THAP5: variants seen among roughly 807,000 people sequenced by gnomAD.
THAP5 encodes THAP domain containing 5.
A neutral mutation model predicts 34.0 loss-of-function variants in THAP5; 26 were observed. That is an observed-to-expected ratio of 0.77 (90% CI 0.56 to 1.06). THAP5 has a LOEUF of 1.06. THAP5 is among the 50% of genes least tolerant of loss of function. The pLI is 0.00. For synonymous variants in THAP5, 125 were observed against 153.0 expected, an observed-to-expected ratio of 0.82 and a Z score of 1.35; for missense variants, 394 against 452.8, an observed-to-expected ratio of 0.87 and a Z score of 1.18.
intron 1 of THAP5, chr7:108,569,142 C>A: frequency 3.6e-6 from 4 of 1,106,064 alleles, no homozygotes; most frequent in Non-Finnish European, 4.4e-6. Flanking sequence ...CTTTCCACTT[C>A]GCAGGTTTCA....
the THAP5 span, among the ~76,000 whole-genome samples, chr7:108,547,550 C>G: frequency 2.6e-5 from 4 of 152,196 alleles, no homozygotes; most frequent in African/African-American, 2.4e-5. Flanking sequence ...AGAATACTTA[C>G]TTAATCCCTA....
rs574256315 is a variant in THAP5 at position 108,569,675 on chromosome 7, G to A, written c.-106C>T. 2.8e-6 allele frequency: 4 copies of A among 1,421,254 alleles called. No homozygotes were observed. Among genetic ancestry groups the A allele is most frequent in the Admixed American group, 2.1e-5 (1 of 46,760 alleles). 88.0% of individuals were successfully genotyped at this position (1,421,254 alleles called of 1,614,324 possible). A position where few individuals can be genotyped will look rare whatever the true frequency, so the allele number is the denominator to read the frequency against. ...AGGCCTCTCGAGCCCCTGCGCCTGC[G>A]CTAGCATTCTGCCGGGAAAGCCGCC... On this transcript the variant is annotated 5_prime_UTR_variant, in exon 1 of 3. Coordinates refer to ENST00000415914, the MANE Select transcript of THAP5 (RefSeq NM_001130475.3).
chr7:108,550,416 T>C (rs1259232381), downstream of THAP5, among the ~76,000 whole-genome samples: 1 of 152,202 alleles, frequency 6.6e-6, no homozygotes, highest in Non-Finnish European at 1.5e-5. Context: ...GAAATACATG[T>C]TCAGGTCCAG....
intron 1 of THAP5, among the ~76,000 whole-genome samples, chr7:108,555,789 A>G (rs1864381822): frequency 7.0e-6 from 1 of 142,224 alleles, no homozygotes; most frequent in Non-Finnish European, 1.5e-5. Context: ...TGCAACCTCC[A>G]CCTCCCAGGT....
chr7:108,565,321 T>C, intron 2 of THAP5: 2 of 369,512 alleles, frequency 5.4e-6, no homozygotes, highest in Non-Finnish European at 4.7e-6. Context: ...AAGACTAGTA[T>C]ATTGGGAGGC....
chr7:108,544,464 G>C, the THAP5 span, among the ~76,000 whole-genome samples: 1 of 151,748 alleles, frequency 6.6e-6, no homozygotes, highest in Non-Finnish European at 1.5e-5. Context: ...CTGGGAGGCA[G>C]AGGTTGCAGA....
rs1790447576 is a variant in THAP5 at position 108,564,780 on chromosome 7, A to C, written c.599T>G (p.Leu200Arg). 6.2e-7 allele frequency: 1 copy of C among 1,613,252 alleles called. No homozygotes were observed. The highest frequency in any genetic ancestry group is 8.5e-7 in the Non-Finnish European group (1 of 1,179,442). The change falls in exon 3 of 3, where the codon CTA becomes CGA. Residue 200 changes from leucine (L) to arginine (R), a missense_variant. Transcript: ENST00000415914. ...RGGFHTCFEN[L>R]NSTTITLTTS... is the part of the protein sequence containing the mutation. ...TGTCAAAGTAATAGTTGTAGAATTTAGATTCTCAAAACATGTGTGAAAACC... is the reference window on the plus strand; with the variant it reads ...TGTCAAAGTAATAGTTGTAGAATTTCGATTCTCAAAACATGTGTGAAAACC...
exon 2 of THAP5, chr7:108,554,649 T>C (rs1014954211): frequency 6.6e-6 from 1 of 152,228 alleles, no homozygotes. Context: ...ATATTATATA[T>C]AGATCTTCAA....
At chr7:108,552,837 A>G (rs1363291932), downstream of THAP5, among the ~76,000 whole-genome samples, 2 of 152,156 alleles carry the variant, frequency 1.3e-5, no homozygotes, top group Admixed American at 1.3e-4. Flanking sequence ...TTGTTATAGT[A>G]GGATATGAGG....
chr7:108,566,025 G>T lies in THAP5; in HGVS notation c.81-3C>A. The T allele has an allele frequency of 2.0e-6, 3 of 1,485,422 alleles. No individual in the cohort carries two copies. Among genetic ancestry groups the T allele is most frequent in the Non-Finnish European group, 1.8e-6 (2 of 1,121,070 alleles). The allele number at this position is 1,485,422 out of a possible 1,614,324, so 92.0% of individuals were successfully genotyped here. On this transcript the variant is annotated splice_polypyrimidine_tract_variant and splice_region_variant and intron_variant, in intron 1 of 2. Coordinates refer to ENST00000415914, the MANE Select transcript of THAP5 (RefSeq NM_001130475.3). ...TTTCTTTGTCATGTAGAGGAAATCT[G>T]GAATTTAAAAAAAAAAGAAGAAAAA...
rs1392954527 is a variant in THAP5, at chr7:108,569,525, T to C, written c.45A>G (p.Gly15=). 3.2e-6 allele frequency: 5 copies of C among 1,551,778 alleles called. No homozygotes were observed. The East Asian group carries it at 9.8e-5, about 30-fold the overall frequency. ...TCAGCTTCCGGTCTTTATTGTTTCG[T>C]CCCCGGCGGTTCTTACAACAAATCG... The part of the protein sequence containing the change: ...CAAICCKNRR[G]RNNKDRKLSF... Residue 15 remains glycine (G), a synonymous_variant, in exon 1 of 3, where the codon GGA becomes GGG. Coordinates refer to ENST00000415914, the MANE Select transcript of THAP5 (RefSeq NM_001130475.3).
At chr7:108,543,926 C>T in the THAP5 span, among the ~76,000 whole-genome samples, 1 of 151,976 alleles carries the variant, frequency 6.6e-6, no homozygotes, top group African/African-American at 2.4e-5. Context: ...ACCTCATTTT[C>T]CTATATATAA....
chr7:108,554,072 C>T (rs1864370566), downstream of THAP5, among the ~76,000 whole-genome samples: 1 of 152,112 alleles, frequency 6.6e-6, no homozygotes, highest in Admixed American at 6.5e-5. Context: ...CCTAACTTTC[C>T]CTCTCTTTGC....
At chr7:108,567,506 G>T (rs997038585) in intron 1 of THAP5, among the ~76,000 whole-genome samples, 2 of 151,578 alleles carry the variant, frequency 1.3e-5, no homozygotes, top group African/African-American at 4.9e-5. Context: ...TATCCTTATT[G>T]TTTACTGGAT....
At chr7:108,566,453 T>G (rs1034959243) in intron 1 of THAP5, among the ~76,000 whole-genome samples, 8 of 152,228 alleles carry the variant, frequency 5.3e-5, no homozygotes, top group African/African-American at 1.9e-4. Context: ...AAATGGCTTG[T>G]TGTCTATAAT....
Position 108,569,642 on chromosome 7 carries a change from A to C in THAP5, c.-73T>G. Reference sequence around the variant, plus strand: ...CGGCCCTCCTCACTGAGGATGCGCCACAGGTCCAGGCCTCTCGAGCCCCTG... The same window carrying C: ...CGGCCCTCCTCACTGAGGATGCGCCCCAGGTCCAGGCCTCTCGAGCCCCTG... On this transcript the variant is annotated 5_prime_UTR_variant, in exon 1 of 3. Transcript: ENST00000415914. The C allele has an allele frequency of 6.5e-7, 1 of 1,532,298 alleles. No individual in the cohort carries two copies. Among genetic ancestry groups the C allele is most frequent in the Non-Finnish European group, 8.8e-7 (1 of 1,136,886 alleles). The allele number at this position is 1,532,298 out of a possible 1,614,324, so 94.9% of individuals were successfully genotyped here. A position where few individuals can be genotyped will look rare whatever the true frequency, so the allele number is the denominator to read the frequency against.
At chr7:108,566,710 T>C (rs2154518119) in intron 1 of THAP5, among the ~76,000 whole-genome samples, 1 of 152,170 alleles carries the variant, frequency 6.6e-6, no homozygotes, top group Admixed American at 6.5e-5. Context: ...AAAGGGACAG[T>C]CTCAGATATT....
At chr7:108,544,297 C>T in the THAP5 span, among the ~76,000 whole-genome samples, 13 of 152,036 alleles carry the variant, frequency 8.6e-5, no homozygotes, top group Non-Finnish European at 1.3e-4. Flanking sequence ...GAGGCCGAGG[C>T]GGGTGGATCA....
In THAP5 at chr7:108,566,032, A is replaced by T. The variant is rs544028132; in HGVS notation, c.81-10T>A. 34 of 1,063,518 alleles carry T rather than the reference A, an allele frequency of 3.2e-5. No individual in the cohort carries two copies. Among genetic ancestry groups the T allele is most frequent in the Non-Finnish European group, 4.0e-5 (32 of 805,222 alleles). The allele number at this position is 1,063,518 out of a possible 1,614,324, so 65.9% of individuals were successfully genotyped here. Reference sequence around the variant, plus strand: ...GTCATGTAGAGGAAATCTGGAATTTAAAAAAAAAAGAAGAAAAAAGGAAAA... The same window carrying T: ...GTCATGTAGAGGAAATCTGGAATTTTAAAAAAAAAGAAGAAAAAAGGAAAA... On this transcript the variant is annotated splice_polypyrimidine_tract_variant and intron_variant, in intron 1 of 2. Transcript: ENST00000415914.
Sources: gnomAD v4.1 joint callset for allele counts (sites outside exome capture counted in the v4.1 genomes callset) on GRCh38, gnomAD v4.1.1 for gene constraint, MANE v1.5 for transcripts, NCBI Gene and HGNC (gene_info 2026-07-23, HGNC 2026-07-21) for gene names.